ENTREP2: variants seen among roughly 807,000 people sequenced by gnomAD.
ENTREP2 encodes the protein endosomal transmembrane epsin interactor 2.
chr15:29,217,526 T>G, the ENTREP2 span, among the ~76,000 whole-genome samples: 21 of 152,226 alleles, frequency 1.4e-4, no homozygotes, highest in Non-Finnish European at 2.2e-4. Context: ...AATTTCTTTC[T>G]TCTACTTGTT....
chr15:29,343,840 G>A, the ENTREP2 span, among the ~76,000 whole-genome samples: 2 of 151,956 alleles, frequency 1.3e-5, no homozygotes, highest in Admixed American at 1.3e-4. Context: ...CAACTTTTAG[G>A]TATAAAATAA....
the ENTREP2 span, among the ~76,000 whole-genome samples, chr15:29,544,956 T>C: frequency 0.01 from 1,567 of 152,218 alleles, 21 homozygotes; most frequent in African/African-American, 0.036. Flanking sequence ...TGCCATGTAG[T>C]TGAATTTGAA....
At chr15:29,576,497 T>C in the ENTREP2 span, among the ~76,000 whole-genome samples, 1 of 152,232 alleles carries the variant, frequency 6.6e-6, no homozygotes, top group Non-Finnish European at 1.5e-5. Flanking sequence ...TTAAACACTT[T>C]TGTACATCAA....
At chr15:29,527,789 G>A in the ENTREP2 span, among the ~76,000 whole-genome samples, 1 of 152,080 alleles carries the variant, frequency 6.6e-6, no homozygotes, top group Non-Finnish European at 1.5e-5. Context: ...TCTCACCCCA[G>A]GAAATTCACC....
the ENTREP2 span, among the ~76,000 whole-genome samples, chr15:29,433,747 G>A: frequency 1.4e-5 from 2 of 147,628 alleles, no homozygotes; most frequent in African/African-American, 5.1e-5. Flanking sequence ...GGGTCTCAAG[G>A]TCTCTCAGAC....
chr15:29,132,042 C>T, the ENTREP2 span, among the ~76,000 whole-genome samples: 2 of 142,206 alleles, frequency 1.4e-5, no homozygotes, highest in Non-Finnish European at 3.1e-5. Context: ...AAACCTCTTC[C>T]CCAGCACACC....
At chr15:29,661,190 T>C in the ENTREP2 span, among the ~76,000 whole-genome samples, 1 of 152,158 alleles carries the variant, frequency 6.6e-6, no homozygotes, top group Non-Finnish European at 1.5e-5. Flanking sequence ...CTGAGAAGAT[T>C]TTTTTGTTTG....
the ENTREP2 span, among the ~76,000 whole-genome samples, chr15:29,554,314 CAA>C: frequency 1.5e-4 from 10 of 68,002 alleles, no homozygotes; most frequent in Admixed American, 1.9e-4. Context: ...GACTCCGTCT[CAA>C]AAAAAAAAAA....
the ENTREP2 span, chr15:29,265,481 G>T: frequency 6.6e-6 from 1 of 152,058 alleles, no homozygotes; most frequent in Non-Finnish European, 1.5e-5. Flanking sequence ...TCTACTAAAA[G>T]TACAAAAATT....
the ENTREP2 span, among the ~76,000 whole-genome samples, chr15:29,355,093 CCT>C: frequency 6.6e-6 from 1 of 152,124 alleles, no homozygotes; most frequent in Non-Finnish European, 1.5e-5. Flanking sequence ...AAAGGCCACC[CCT>C]GTCTCAGGGT....
the ENTREP2 span, among the ~76,000 whole-genome samples, chr15:29,407,546 G>A: frequency 4.6e-5 from 7 of 152,106 alleles, no homozygotes; most frequent in Admixed American, 1.3e-4. Context: ...AAGGGGAGTC[G>A]AAGACCCAGG....
chr15:29,299,997 GTGGA>G, the ENTREP2 span, among the ~76,000 whole-genome samples: 22,960 of 148,096 alleles, frequency 0.16, 3,000 homozygotes, highest in African/African-American at 0.37. Context: ...AGGTGGGTGG[GTGGA>G]TGGATGGATG....
chr15:29,279,004 C>T, the ENTREP2 span, among the ~76,000 whole-genome samples: 3 of 152,184 alleles, frequency 2.0e-5, no homozygotes, highest in East Asian at 1.9e-4. Context: ...CTTCTCTGTG[C>T]ATGTACATCC....
chr15:29,124,582 G>T, the ENTREP2 span: 2 of 914,476 alleles, frequency 2.2e-6, no homozygotes, highest in Non-Finnish European at 3.4e-6. Flanking sequence ...TCCCGGGGGT[G>T]GGGTGAGGAG....
the ENTREP2 span, among the ~76,000 whole-genome samples, chr15:29,537,443 G>T: frequency 6.6e-6 from 1 of 152,158 alleles, no homozygotes; most frequent in Non-Finnish European, 1.5e-5. Flanking sequence ...TTCCCCTTTG[G>T]TTTCCTCCTG....
chr15:29,346,616 CAA>C, the ENTREP2 span, among the ~76,000 whole-genome samples: 3 of 152,166 alleles, frequency 2.0e-5, no homozygotes, highest in Non-Finnish European at 4.4e-5. Context: ...AATGGTTCCA[CAA>C]AAAGAGTACT....
the ENTREP2 span, among the ~76,000 whole-genome samples, chr15:29,519,733 C>T: frequency 2.0e-5 from 3 of 152,184 alleles, no homozygotes; most frequent in Non-Finnish European, 4.4e-5. Flanking sequence ...TGGGTCCCAT[C>T]AGGGCTCTGA....
the ENTREP2 span, among the ~76,000 whole-genome samples, chr15:29,468,257 TC>T: frequency 6.6e-6 from 1 of 152,110 alleles, no homozygotes; most frequent in African/African-American, 2.4e-5. Context: ...ATAAGCTGGT[TC>T]TGGGGGTGGG....
At chr15:29,453,204 C>G in the ENTREP2 span, among the ~76,000 whole-genome samples, 1 of 152,186 alleles carries the variant, frequency 6.6e-6, no homozygotes, top group Non-Finnish European at 1.5e-5. Context: ...AATGTAATAA[C>G]TTCTTAAGAA....
Sources: gnomAD v4.1 joint callset for allele counts (sites outside exome capture counted in the v4.1 genomes callset) on GRCh38, gnomAD v4.1.1 for gene constraint, MANE v1.5 for transcripts, NCBI Gene and HGNC (gene_info 2026-07-23, HGNC 2026-07-21) for gene names.